Variants in KIF17 observed in about 807,000 individuals in gnomAD.
KIF17 encodes the protein kinesin-like protein KIF17.
Under a neutral mutation model 96.8 loss-of-function variants are expected in KIF17, and 80 were observed. The ratio of observed to expected loss-of-function variants is 0.83; its 90% CI spans 0.69 to 1.00. KIF17 has a LOEUF of 1.00. Ranked by LOEUF, KIF17 falls within the 50% of genes least tolerant of loss-of-function variation. KIF17 has a pLI of 0.00. For missense variants in KIF17, 1,280 were observed against 1,372.9 expected (o/e 0.93, Z 1.07); for synonymous variants, 567 against 587.5 (o/e 0.97, Z 0.51).
chr1:20,687,586 G>A lies in KIF17; in HGVS notation c.1740C>T (p.Cys580=), dbSNP rs1313539694. ...GGTGCCCAGCGGCCTCCTGCCCGAG[G>A]CACTCATCCAGGAAGTATCTGCTCC... ...ESRSRYFLDE[C]LGQEAAGHLL... Residue 580 remains cysteine (C), a synonymous_variant, in exon 8 of 15, where the codon TGC becomes TGT. Coordinates refer to ENST00000400463, the MANE Select transcript of KIF17 (RefSeq NM_001122819.3). The surrounding 1 kb of genome is among the most constrained non-coding windows in gnomAD (Gnocchi z 4.4). 2.5e-6 allele frequency: 4 copies of A among 1,613,916 alleles called. No homozygotes were observed. The African/African-American group carries it at 4.0e-5, about 16-fold the overall frequency.
Position 20,709,853 on chromosome 1 carries a change from G to A in KIF17, c.481-25C>T. The A allele has an allele frequency of 6.3e-7, 1 of 1,581,364 alleles. No individual in the cohort carries two copies. Among genetic ancestry groups the A allele is most frequent in the Middle Eastern group, 1.7e-4 (1 of 6,028 alleles). On this transcript the variant is annotated intron_variant, in intron 3 of 14. Transcript: ENST00000400463. The surrounding 1 kb of genome is among the most constrained non-coding windows in gnomAD (Gnocchi z 4.7). ...GCTGAGGGAGGAGGAACAGTCAGGG[G>A]CGGAACCTCCAGCCGCCAAGGGTTA...
At position 20,672,094 on chromosome 1, in the gene KIF17, G is replaced by A; in HGVS notation, c.2566C>T (p.Leu856Phe). The change falls in exon 12 of 15, where the codon CTC becomes TTC. Residue 856 changes from leucine (L) to phenylalanine (F), a missense_variant. Transcript: ENST00000400463. This position sits in a 1 kb window ranked among gnomAD's most constrained non-coding sequence, Gnocchi z 4.3. The part of the protein sequence containing the change: ...TIRRQERDSM[L>F]LQQLLEQVQP... ...ACCTGCTCCAGGAGCTGCTGCAAGAGCATGGAGTCACGCTCCTGCCGGCGG... is the reference window on the plus strand; with the variant it reads ...ACCTGCTCCAGGAGCTGCTGCAAGAACATGGAGTCACGCTCCTGCCGGCGG... 2 of 1,614,222 alleles carry A rather than the reference G, an allele frequency of 1.2e-6. No homozygotes were observed. Among genetic ancestry groups the A allele is most frequent in the Middle Eastern group, 1.7e-4 (1 of 6,054 alleles).
At position 20,670,554 on chromosome 1, in the gene KIF17, TG is replaced by T; in HGVS notation, c.2723-67del. 14 of 1,487,530 alleles carry T rather than the reference TG, an allele frequency of 9.4e-6. 2 individuals are homozygous for T. In the Middle Eastern group the frequency reaches 2.4e-3, roughly 254 times the overall value. The allele number at this position is 1,487,530 out of a possible 1,614,324, so 92.1% of individuals were successfully genotyped here. On this transcript the variant is annotated intron_variant, in intron 12 of 14. Coordinates refer to ENST00000400463, the MANE Select transcript of KIF17 (RefSeq NM_001122819.3). ...TGCAAGGCCTAGAGGAGGGCACAGG[TG>T]GAGGTGGGGGTCAGGCCTGGCTCAG...
rs1570467104 is a variant in KIF17, at chr1:20,699,665, A to G, written c.1124-1177T>C. Among the ~76,000 whole-genome samples, 2 of 152,182 alleles carry G rather than the reference A, an allele frequency of 1.3e-5. No homozygotes were observed. The highest frequency in any genetic ancestry group is 1.3e-4 in the Admixed American group (2 of 15,280). On this transcript the variant is annotated intron_variant, in intron 5 of 14. Coordinates refer to ENST00000400463, the MANE Select transcript of KIF17 (RefSeq NM_001122819.3). This position sits in a 1 kb window ranked among gnomAD's most constrained non-coding sequence, Gnocchi z 4.3. Reference sequence around the variant, plus strand: ...CGGGCACAGGAGGAGCTTGCTAGACAGGAGGCGCTTGCTAGACAGGGGGAG... The same window carrying G: ...CGGGCACAGGAGGAGCTTGCTAGACGGGAGGCGCTTGCTAGACAGGGGGAG...
rs1314896182 is a variant in KIF17, at chr1:20,672,025, T to G, written c.2635A>C (p.Lys879Gln). The G allele has an allele frequency of 6.2e-7, 1 of 1,614,112 alleles. No individual in the cohort carries two copies. The highest frequency in any genetic ancestry group is 1.1e-5 in the South Asian group (1 of 91,078). ...RRDCNYSNLE[K>Q]ILRESCWDED... ...TCCCAGCAGGACTCACGCAGAATCT[T>G]CTCCAGGTTGCTGTAGTTACAGTCC... Residue 879 changes from lysine to glutamine, a missense_variant, in exon 12 of 15, where the codon AAG becomes CAG. By Grantham distance (53) the Lys-to-Gln change is moderately conservative. Transcript: ENST00000400463. This position sits in a 1 kb window ranked among gnomAD's most constrained non-coding sequence, Gnocchi z 4.3.
chr1:20,664,632 C>T lies in KIF17; in HGVS notation c.3039G>A (p.Lys1013=). The part of the protein sequence containing the change: ...RLESLDIPFT[K]AKRKKSKSNF... ...TGCTTTTGCTTTTCTTACGCTTGGCCTTGGTGAAAGGGATGTCGAGGGACT... is the reference window on the plus strand; with the variant it reads ...TGCTTTTGCTTTTCTTACGCTTGGCTTTGGTGAAAGGGATGTCGAGGGACT... The change falls in exon 15 of 15, where the codon AAG becomes AAA. Residue 1013 remains lysine, a synonymous_variant. Transcript: ENST00000400463. The T allele has an allele frequency of 2.2e-6, 3 of 1,378,886 alleles. No homozygotes were observed. Among genetic ancestry groups the T allele is most frequent in the South Asian group, 1.1e-5 (1 of 88,264 alleles). 85.4% of individuals were successfully genotyped at this position (1,378,886 alleles called of 1,614,324 possible). A position where few individuals can be genotyped will look rare whatever the true frequency, so the allele number is the denominator to read the frequency against.
At chr1:20,703,591 G>A (rs1362312626) in intron 5 of KIF17, among the ~76,000 whole-genome samples, 1 of 151,892 alleles carries the variant, frequency 6.6e-6, no homozygotes, top group East Asian at 1.9e-4. Flanking sequence ...TAAGTAATGG[G>A]GTGGGTGGGA....
chr1:20,717,441 T>C (rs1231713816), intron 1 of KIF17, 35 bp downstream of exon 1: 2 of 1,606,420 alleles, frequency 1.2e-6, no homozygotes, highest in Non-Finnish European at 1.7e-6. Context: ...CCTCATGCCC[T>C]GCCGCCTGCA....
intron 13 of KIF17, among the ~76,000 whole-genome samples, chr1:20,669,906 AACC>A (rs1484576823): frequency 1.8e-4 from 20 of 111,134 alleles, no homozygotes; most frequent in Admixed American, 3.1e-4. Flanking sequence ...AAAAAAAAAC[AACC>A]ACCACCACCC....
rs766334139 is a variant in KIF17, at chr1:20,713,528, G to A, written c.406C>T (p.Arg136Trp). 2.1e-5 allele frequency: 34 copies of A among 1,611,802 alleles called. No individual in the cohort carries two copies. The highest frequency in any genetic ancestry group is 1.0e-4 in the Admixed American group (6 of 59,822). The change falls in exon 3 of 15, where the codon CGG becomes TGG. Residue 136 changes from arginine to tryptophan, a missense_variant. Arg to Trp is a moderately radical substitution (Grantham distance 101). Transcript: ENST00000400463. ...QCAENTKFLV[R>W]ASYLEIYNED... ...TTGTAGATCTCCAGGTAGGAGGCCC[G>A]GACCAGGAACTTAGTGTTCTCTGCA...
rs1553153023 is a variant in KIF17 at position 20,712,868 on chromosome 1, G to GATATTATCTATAATATAGATA, written c.480+585_480+586insTATCTATATTATAGATAATAT. 1.1e-3 allele frequency among the ~76,000 whole-genome samples: 34 copies of GATATTATCTATAATATAGATA among 32,240 alleles called. 6 individuals are homozygous for GATATTATCTATAATATAGATA. The highest frequency in any genetic ancestry group is 3.6e-3 in the African/African-American group (29 of 7,996). The allele number at this position is 32,240 out of a possible 152,430, so 21.2% of individuals were successfully genotyped here. On this transcript the variant is annotated intron_variant, in intron 3 of 14. Transcript: ENST00000400463. ...TATAGATAATATTATCTATATTATA[G>GATATTATCTATAATATAGATA]ATATTATCTATATATAATATAGATA... is the stretch of plus-strand genomic sequence containing the variant.
chr1:20,713,609 T>A, intron 2 of KIF17, 54 bp from the exon 3 acceptor site: 1 of 1,351,080 alleles, frequency 7.4e-7, no homozygotes, highest in Non-Finnish European at 1.0e-6. Flanking sequence ...GTCCACCTGC[T>A]GCCAGGTCTG....
Position 20,704,803 on chromosome 1 carries a change from C to T in KIF17, c.767G>A (p.Arg256Gln), listed in dbSNP as rs777448525. Residue 256 changes from arginine (R) to glutamine (Q), a missense_variant, in exon 5 of 15, where the codon CGG becomes CAG. Arg to Gln is a conservative substitution (Grantham distance 43). Transcript: ENST00000400463. This position sits in a 1 kb window ranked among gnomAD's most constrained non-coding sequence, Gnocchi z 6.8. ...GTTGATCTTGGTGGCCTCCTTGAGC[C>T]GCTCGCCCGTGGCCCCGGTCTTGGA... ...RQSKTGATGE[R>Q]LKEATKINLS... 3.1e-6 allele frequency: 5 copies of T among 1,609,024 alleles called. No individual in the cohort carries two copies. Among genetic ancestry groups the T allele is most frequent in the South Asian group, 2.2e-5 (2 of 91,014 alleles).
chr1:20,692,341 C>CTTT (rs542078632), intron 6 of KIF17, among the ~76,000 whole-genome samples: 4,325 of 147,812 alleles, frequency 0.029, 223 homozygotes, highest in African/African-American at 0.1. Flanking sequence ...TCCTCTATTG[C>CTTT]TTTTTTTTTT....
At chr1:20,675,655 T>C (rs2053726385) in intron 11 of KIF17, among the ~76,000 whole-genome samples, 1 of 152,166 alleles carries the variant, frequency 6.6e-6, no homozygotes, top group African/African-American at 2.4e-5. Flanking sequence ...TTTGAGTCCC[T>C]TGAATTTCAT....
At chr1:20,703,176 T>TGGACGGATGGAC (rs1014455357) in intron 5 of KIF17, among the ~76,000 whole-genome samples, 2 of 147,516 alleles carry the variant, frequency 1.4e-5, no homozygotes, top group Admixed American at 6.7e-5. Context: ...GATGGATGGA[T>TGGACGGATGGAC]GAATGGATGG....
At position 20,709,953 on chromosome 1, in the gene KIF17, G is replaced by A. The variant is rs1243330841; in HGVS notation, c.481-125C>T. On this transcript the variant is annotated intron_variant, in intron 3 of 14. Transcript: ENST00000400463. This position sits in a 1 kb window ranked among gnomAD's most constrained non-coding sequence, Gnocchi z 4.7. Reference sequence around the variant, plus strand: ...CCTCGCCCTCCTGTAATGCAGGCTGGCACCTCACATGCCTGTCACAGGGAG... The same window carrying A: ...CCTCGCCCTCCTGTAATGCAGGCTGACACCTCACATGCCTGTCACAGGGAG... The A allele has an allele frequency of 4.6e-6, 4 of 869,914 alleles. No homozygotes were observed. The highest frequency in any genetic ancestry group is 5.6e-6 in the Non-Finnish European group (3 of 539,096). 53.9% of individuals were successfully genotyped at this position (869,914 alleles called of 1,614,324 possible).
At chr1:20,669,010 G>C (rs1365501728) in intron 13 of KIF17, among the ~76,000 whole-genome samples, 1 of 152,084 alleles carries the variant, frequency 6.6e-6, no homozygotes, top group Non-Finnish European at 1.5e-5. Context: ...ACACCAAGAG[G>C]GGGTCCAGCT....
chr1:20,701,018 C>T (rs1402563196), intron 5 of KIF17, among the ~76,000 whole-genome samples: 2 of 152,198 alleles, frequency 1.3e-5, no homozygotes, highest in Non-Finnish European at 2.9e-5. Flanking sequence ...CCCTCCAGAC[C>T]GATGCTGGTG....
Sources: gnomAD v4.1 joint callset for allele counts (sites outside exome capture counted in the v4.1 genomes callset) on GRCh38, gnomAD v4.1.1 for gene constraint, Gnocchi (gnomAD v3.1) non-coding constraint, MANE v1.5 for transcripts, NCBI Gene and HGNC (gene_info 2026-07-23, HGNC 2026-07-21) for gene names.